PARP15: variants seen among roughly 807,000 people sequenced by gnomAD.
The protein encoded by PARP15 is protein mono-ADP-ribosyltransferase PARP15.
Under a neutral mutation model 62.1 loss-of-function variants are expected in PARP15, and 50 were observed. The observed-to-expected ratio is 0.81, with a 90% CI of 0.64 to 1.02. The LOEUF (loss-of-function observed/expected upper bound fraction) is 1.02, where lower values mean the gene tolerates loss of function less well. PARP15 is among the 50% of genes least tolerant of loss of function. PARP15 has a pLI of 0.00. For synonymous variants in PARP15, 309 were observed against 293.1 expected (o/e 1.05, Z -0.55); for missense variants, 820 against 826.5 (o/e 0.99, Z 0.10).
intron 1 of PARP15, among the ~76,000 whole-genome samples, chr3:122,597,686 G>A (rs534579690): frequency 5.4e-4 from 82 of 152,106 alleles, no homozygotes; most frequent in African/African-American, 1.9e-3. Context: ...ATGTGCATTC[G>A]CTGCTAAGGA....
chr3:122,625,225 TTTG>T lies in PARP15; in HGVS notation c.1232-1587_1232-1585del, dbSNP rs1338304940. The stretch of plus-strand genomic sequence containing the variant: ...CCTCAGATTTAGAGATAGGGTTTTG[TTTG>T]TTGTTGTTGTTGTTCTTTGTTTGTT... On this transcript the variant is annotated intron_variant, in intron 8 of 11. Transcript: ENST00000464300. 3.6e-4 allele frequency among the ~76,000 whole-genome samples: 53 copies of T among 145,662 alleles called. 1 individual carries two copies. The East Asian group carries it at 9.2e-3, about 25-fold the overall frequency.
At chr3:122,590,227 C>T (rs534856863) in intron 1 of PARP15, among the ~76,000 whole-genome samples, 1 of 151,550 alleles carries the variant, frequency 6.6e-6, no homozygotes, top group Admixed American at 6.6e-5. Flanking sequence ...CTATACTTAC[C>T]CTCTTTTCTT....
chr3:122,614,862 CTACAAAAAA>C, intron 4 of PARP15, among the ~76,000 whole-genome samples: 1 of 151,924 alleles, frequency 6.6e-6, no homozygotes, highest in South Asian at 2.1e-4. Context: ...AACCTCATCT[CTACAAAAAA>C]TACAAAAAAT....
intron 1 of PARP15, among the ~76,000 whole-genome samples, chr3:122,596,611 A>T (rs1934377978): frequency 6.6e-6 from 1 of 152,216 alleles, no homozygotes; most frequent in African/African-American, 2.4e-5. Flanking sequence ...ATCACTTGTC[A>T]AATAAAACAT....
Position 122,610,689 on chromosome 3 carries a change from G to A in PARP15, c.502G>A (p.Val168Met). 2.6e-6 allele frequency: 4 copies of A among 1,545,266 alleles called. No individual in the cohort carries two copies. Among genetic ancestry groups the A allele is most frequent in the Non-Finnish European group, 3.5e-6 (4 of 1,143,644 alleles). ...GGACTGCAAAGCTGTGCTCCATGCT[G>A]TGGCTCCATACTGGAATAATGGAGC... Reference protein sequence around the residue: ...NLDCKAVLHAVAPYWNNGAET... With the variant: ...NLDCKAVLHAMAPYWNNGAET... Residue 168 changes from valine to methionine, a missense_variant, in exon 3 of 12, where the codon GTG becomes ATG. Transcript: ENST00000464300.
intron 9 of PARP15, among the ~76,000 whole-genome samples, chr3:122,628,017 TATA>T (rs1157504599): frequency 2.0e-5 from 3 of 152,250 alleles, no homozygotes; most frequent in Admixed American, 2.0e-4. Flanking sequence ...CAGGTGCTCA[TATA>T]ATAATATCAT....
chr3:122,635,963 AC>A lies in PARP15; in HGVS notation c.1904del (p.Pro635LeufsTer16), dbSNP rs1303990193. On this transcript the variant is annotated frameshift_variant, in exon 12 of 12. Coordinates refer to ENST00000464300, the MANE Select transcript of PARP15 (RefSeq NM_001113523.3). LOFTEE classifies it low-confidence loss of function (END_TRUNC). Reference protein sequence around the residue: ...VFTKGRAGLVTPPPKNPHNPT... With the variant: ...VFTKGRAGLVXPPPKNPHNPT... ...CACAAAGGGACGTGCAGGATTAGTC[AC>A]CCCTCCACCCAAGAATCCTCACAAT... 4.3e-6 allele frequency: 7 copies of A among 1,613,936 alleles called. No homozygotes were observed. The African/African-American group carries it at 9.3e-5, about 22-fold the overall frequency.
intron 1 of PARP15, among the ~76,000 whole-genome samples, chr3:122,592,579 A>G (rs540742627): frequency 1.3e-5 from 2 of 151,794 alleles, no homozygotes; most frequent in African/African-American, 4.8e-5. Flanking sequence ...CATCCTGCAC[A>G]TGTACCACAG....
chr3:122,627,579 C>T (rs1285077826), intron 9 of PARP15, among the ~76,000 whole-genome samples: 5 of 152,194 alleles, frequency 3.3e-5, no homozygotes, highest in East Asian at 3.8e-4. Context: ...CCTCTGATTT[C>T]GTTTTCCCCT....
chr3:122,605,490 A>C (rs569943664), intron 1 of PARP15, among the ~76,000 whole-genome samples: 4 of 152,240 alleles, frequency 2.6e-5, no homozygotes, highest in Non-Finnish European at 5.9e-5. Flanking sequence ...TCTCAGAGCC[A>C]AGTTATGAGT....
chr3:122,620,046 TCTTA>T (rs1306320508), intron 7 of PARP15, among the ~76,000 whole-genome samples: 2 of 152,154 alleles, frequency 1.3e-5, no homozygotes, highest in East Asian at 3.9e-4. Flanking sequence ...CTCATCTGTC[TCTTA>T]CTTCCTGAGT....
At chr3:122,591,421 T>C (rs1318660431) in intron 1 of PARP15, among the ~76,000 whole-genome samples, 8 of 152,178 alleles carry the variant, frequency 5.3e-5, no homozygotes, top group African/African-American at 1.7e-4. Context: ...AAGCCAATTG[T>C]GACTTCAGGG....
intron 7 of PARP15, 102 bp from the exon 8 acceptor site, chr3:122,621,342 C>T: frequency 7.9e-7 from 1 of 1,269,558 alleles, no homozygotes. Context: ...GACTGGGCTT[C>T]ACAGCCTTCA....
chr3:122,599,617 G>T (rs577070683), intron 1 of PARP15, among the ~76,000 whole-genome samples: 82 of 149,802 alleles, frequency 5.5e-4, no homozygotes, highest in African/African-American at 2.0e-3. Flanking sequence ...TCACTGTGTT[G>T]CCCAGGCATG....
At chr3:122,616,733 G>A (rs35151137) in intron 5 of PARP15, among the ~76,000 whole-genome samples, 2,966 of 152,064 alleles carry the variant, frequency 0.02, 40 homozygotes, top group Middle Eastern at 0.044. Context: ...TGACACCCCA[G>A]CAGCTCTTGC....
Position 122,626,842 on chromosome 3 carries a change from A to C in PARP15, c.1247A>C (p.Asn416Thr), listed in dbSNP as rs1936760650. 6.2e-7 allele frequency: 1 copy of C among 1,604,922 alleles called. No individual in the cohort carries two copies. The highest frequency in any genetic ancestry group is 1.1e-5 in the South Asian group (1 of 88,244). The change falls in exon 9 of 12, where the codon AAC (asparagine) becomes ACC (threonine). Residue 416 changes from asparagine (N) to threonine (T), a missense_variant. Asn to Thr is a moderately conservative substitution (Grantham distance 65). This residue lies in a region of PARP15 where 731 missense variants were observed against 727.7 expected (regional missense o/e 1.00). Coordinates refer to ENST00000464300, the MANE Select transcript of PARP15 (RefSeq NM_001113523.3). ...PAIGTGNAGK[N>T]PITVADNIID... ...TTTTTTTCAGGAAATGCCGGAAAAA[A>C]CCCTATCACAGTTGCTGATAACATA... is the stretch of plus-strand genomic sequence containing the variant.
chr3:122,624,089 T>G (rs1936530610), intron 8 of PARP15, among the ~76,000 whole-genome samples: 2 of 151,536 alleles, frequency 1.3e-5, no homozygotes, highest in Non-Finnish European at 1.5e-5. Flanking sequence ...AGGCAGAGGT[T>G]GCAGTGAGCT....
At chr3:122,587,207 T>A (rs181104854) in intron 1 of PARP15, among the ~76,000 whole-genome samples, 352 of 152,378 alleles carry the variant, frequency 2.3e-3, no homozygotes, top group Non-Finnish European at 4.0e-3. Context: ...CTGCAGGACA[T>A]CTTGGTTGCT....
chr3:122,582,774 C>T (rs985424503), intron 1 of PARP15, among the ~76,000 whole-genome samples: 8 of 151,970 alleles, frequency 5.3e-5, no homozygotes, highest in African/African-American at 1.5e-4. Context: ...CTCTCTCTTT[C>T]GTATTAGTCC....
Sources: gnomAD v4.1 joint callset for allele counts (sites outside exome capture counted in the v4.1 genomes callset) on GRCh38, gnomAD v4.1.1 for gene constraint, gnomAD v4.1.1 regional missense constraint, MANE v1.5 for transcripts, NCBI Gene and HGNC (gene_info 2026-07-23, HGNC 2026-07-21) for gene names.